GRID2: variants seen among roughly 807,000 people sequenced by gnomAD.
GRID2 encodes glutamate ionotropic receptor delta type subunit 2, also known as glutamate receptor ionotropic, delta-2.
A neutral mutation model predicts 114.8 loss-of-function variants in GRID2; 33 were observed. The ratio of observed to expected loss-of-function variants is 0.29; its 90% confidence interval spans 0.22 to 0.38. The LOEUF (loss-of-function observed/expected upper bound fraction) is 0.38. Ranked by LOEUF, GRID2 falls within the 10% of genes least tolerant of loss-of-function variation. GRID2 has a pLI of 1.00. For synonymous variants in GRID2, 505 were observed against 449.9 expected (o/e 1.12, Z -1.55); for missense variants, 1,184 against 1,257.7 (o/e 0.94, Z 0.89).
chr4:93,503,501 G>C (rs1728335617), intron 12 of GRID2, among the ~76,000 whole-genome samples: 1 of 121,778 alleles, frequency 8.2e-6, no homozygotes, highest in Non-Finnish European at 1.6e-5. Flanking sequence ...ACAGTCCTCG[G>C]TGTGTGATGT....
At chr4:92,784,900 G>T (rs1207629929) in intron 2 of GRID2, among the ~76,000 whole-genome samples, 1 of 151,616 alleles carries the variant, frequency 6.6e-6, no homozygotes, top group African/African-American at 2.4e-5. Flanking sequence ...TTTTCTTTAG[G>T]TAGTTTAAAG....
At chr4:92,370,470 C>G (rs1332179873) in intron 1 of GRID2, among the ~76,000 whole-genome samples, 2 of 151,956 alleles carry the variant, frequency 1.3e-5, no homozygotes, top group African/African-American at 4.8e-5. Context: ...GTCAACAGAG[C>G]AAAACCCCAT....
At chr4:92,489,250 T>G (rs2149111894) in intron 1 of GRID2, among the ~76,000 whole-genome samples, 1 of 152,282 alleles carries the variant, frequency 6.6e-6, no homozygotes, top group Non-Finnish European at 1.5e-5. Context: ...TGTTTTAACT[T>G]AAAAACTCAA....
intron 8 of GRID2, among the ~76,000 whole-genome samples, chr4:93,359,669 T>C (rs916175844): frequency 6.7e-6 from 1 of 150,074 alleles, no homozygotes; most frequent in African/African-American, 2.4e-5. Flanking sequence ...ATGTGATGTT[T>C]ATCTTTCTGC....
intron 1 of GRID2, among the ~76,000 whole-genome samples, chr4:92,554,139 T>A (rs1260105521): frequency 6.6e-6 from 1 of 152,172 alleles, no homozygotes; most frequent in African/African-American, 2.4e-5. Flanking sequence ...ACAGAAGGGC[T>A]GTTGTTCCTA....
chr4:93,518,091 T>C (rs1729985211), intron 13 of GRID2, among the ~76,000 whole-genome samples: 1 of 147,584 alleles, frequency 6.8e-6, no homozygotes, highest in Non-Finnish European at 1.5e-5. Context: ...ATACACACAC[T>C]ATATATGGAT....
chr4:93,646,912 A>C (rs1301785067), intron 14 of GRID2, among the ~76,000 whole-genome samples: 1 of 152,198 alleles, frequency 6.6e-6, no homozygotes, highest in African/African-American at 2.4e-5. Context: ...GCATGAACCC[A>C]AAGTAGGTTA....
At chr4:92,946,130 G>T (rs1044758178) in intron 2 of GRID2, among the ~76,000 whole-genome samples, 1 of 151,970 alleles carries the variant, frequency 6.6e-6, no homozygotes, top group Non-Finnish European at 1.5e-5. Flanking sequence ...TTCTTCAACC[G>T]CTGTTTCCTT....
At chr4:93,120,301 T>C (rs566548209) in intron 4 of GRID2, among the ~76,000 whole-genome samples, 54 of 152,236 alleles carry the variant, frequency 3.5e-4, no homozygotes, top group African/African-American at 1.2e-3. Context: ...CACACGGATG[T>C]TTCTTGCAGC....
intron 10 of GRID2, among the ~76,000 whole-genome samples, chr4:93,423,336 C>CTTTCTTTTTTTTTTTTTTTT (rs1768501442): frequency 1.4e-5 from 1 of 73,570 alleles, no homozygotes; most frequent in Admixed American, 2.2e-4. Flanking sequence ...TTTTTTCTTT[C>CTTTCTTTTTTTTTTTTTTTT]TTTTTTTTTT....
At chr4:93,396,465 G>A (rs1213823036) in intron 9 of GRID2, among the ~76,000 whole-genome samples, 2 of 151,906 alleles carry the variant, frequency 1.3e-5, no homozygotes, top group African/African-American at 4.8e-5. Context: ...GCTGGACAAA[G>A]GGATGAGTCA....
chr4:93,099,210 T>C (rs1387268387), intron 3 of GRID2, among the ~76,000 whole-genome samples: 1 of 151,866 alleles, frequency 6.6e-6, no homozygotes, highest in East Asian at 1.9e-4. Context: ...ATGTACCTCC[T>C]TTTTTGGTTT....
intron 8 of GRID2, among the ~76,000 whole-genome samples, chr4:93,312,056 T>C (rs1756077291): frequency 6.6e-6 from 1 of 152,128 alleles, no homozygotes; most frequent in South Asian, 2.1e-4. Flanking sequence ...CCATTATCAC[T>C]CCATAATTTT....
intron 2 of GRID2, among the ~76,000 whole-genome samples, chr4:93,014,131 C>A (rs1273561603): frequency 6.6e-6 from 1 of 151,988 alleles, no homozygotes; most frequent in African/African-American, 2.4e-5. Context: ...TATGGGTGTT[C>A]TACATGCTAA....
At chr4:93,621,014 T>A (rs1234962740) in intron 13 of GRID2, among the ~76,000 whole-genome samples, 1 of 152,194 alleles carries the variant, frequency 6.6e-6, no homozygotes, top group Admixed American at 6.5e-5. Context: ...ACTTGACTTA[T>A]CTCCACTACT....
At chr4:93,461,722 G>C (rs895830826) in intron 11 of GRID2, among the ~76,000 whole-genome samples, 5 of 152,118 alleles carry the variant, frequency 3.3e-5, no homozygotes, top group Non-Finnish European at 7.4e-5. Context: ...TGTTTGGCTG[G>C]AACATTAAGA....
chr4:93,259,465 A>G (rs963142014), intron 8 of GRID2, among the ~76,000 whole-genome samples: 1 of 151,860 alleles, frequency 6.6e-6, no homozygotes, highest in African/African-American at 2.4e-5. Flanking sequence ...TCACAGGTGC[A>G]TATATATGTC....
At chr4:92,586,600 A>G (rs1351064038) in intron 1 of GRID2, among the ~76,000 whole-genome samples, 1 of 151,978 alleles carries the variant, frequency 6.6e-6, no homozygotes, top group East Asian at 1.9e-4. Flanking sequence ...CAAAGGGCAT[A>G]CCTGCATTAA....
rs78500289 is a variant in GRID2, at chr4:93,244,289, A to G, written c.1245+5799A>G. ...TCTTAATTGCATAGTAATGCTTAAT[A>G]TCTTCATAAAAGTGTTTTCTCATAA... On this transcript the variant is annotated intron_variant, in intron 8 of 15. Transcript: ENST00000282020. Among the ~76,000 whole-genome samples the G allele has an allele frequency of 3.6e-3, 548 of 151,970 alleles. 4 individuals carry two copies. Among genetic ancestry groups the G allele is most frequent in the African/African-American group, 0.013 (526 of 41,530 alleles).
Sources: gnomAD v4.1 joint callset for allele counts (sites outside exome capture counted in the v4.1 genomes callset) on GRCh38, gnomAD v4.1.1 for gene constraint, MANE v1.5 for transcripts, NCBI Gene and HGNC (gene_info 2026-07-23, HGNC 2026-07-21) for gene names.